The following TRPM3 variants were observed in gnomAD, a reference collection of about 807,000 sequenced individuals.
TRPM3 encodes the protein long transient receptor potential channel 3.
Under a neutral mutation model 181.2 loss-of-function variants are expected in TRPM3, and 77 were observed. That is an observed-to-expected ratio of 0.42 (90% CI 0.35 to 0.51). TRPM3 has a LOEUF of 0.51. TRPM3 is among the 20% of genes least tolerant of loss of function. The probability of loss-of-function intolerance (pLI) is 0.01; values close to 1 mark genes in which losing one functional copy is unlikely to be tolerated. For synonymous variants in TRPM3, 745 were observed against 796.4 expected, an observed-to-expected ratio of 0.94 and a Z score of 1.09; for missense variants, 1,759 against 2,196.7, an observed-to-expected ratio of 0.80 and a Z score of 3.98.
intron 1 of TRPM3, among the ~76,000 whole-genome samples, chr9:71,281,334 C>T (rs930033578): frequency 1.3e-5 from 2 of 152,208 alleles, no homozygotes; most frequent in African/African-American, 4.8e-5. Flanking sequence ...AGTTCATAAG[C>T]ACCTGGACCC....
At chr9:71,239,605 G>A (rs1256124450) in intron 1 of TRPM3, among the ~76,000 whole-genome samples, 1 of 151,880 alleles carries the variant, frequency 6.6e-6, no homozygotes, top group Non-Finnish European at 1.5e-5. Flanking sequence ...GCCAAAACAG[G>A]GAGTACCTTA....
intron 1 of TRPM3, among the ~76,000 whole-genome samples, chr9:70,974,259 G>A (rs1044278067): frequency 6.6e-6 from 1 of 152,032 alleles, no homozygotes; most frequent in African/African-American, 2.4e-5. Flanking sequence ...AATTTACGTG[G>A]CCGGGCGCGG....
rs943919389 is a variant in TRPM3 at position 70,530,765 on chromosome 9, G to A, written c.*5188C>T. ...CCTTTCTTTTGGTTGACTCCAATCTGAGAGACAGAATATCCAACTTGTAAA... is the reference window on the plus strand; with the variant it reads ...CCTTTCTTTTGGTTGACTCCAATCTAAGAGACAGAATATCCAACTTGTAAA... On this transcript the variant is annotated 3_prime_UTR_variant, in exon 26 of 26. Transcript: ENST00000677713. 2 of 152,208 alleles carry A rather than the reference G, an allele frequency of 1.3e-5. No homozygotes were observed. Among genetic ancestry groups the A allele is most frequent in the Non-Finnish European group, 2.9e-5 (2 of 68,036 alleles). 9.4% of individuals were successfully genotyped at this position (152,208 alleles called of 1,614,324 possible).
At chr9:71,081,842 A>C (rs1320129482) in intron 1 of TRPM3, among the ~76,000 whole-genome samples, 3 of 152,174 alleles carry the variant, frequency 2.0e-5, no homozygotes, top group African/African-American at 7.2e-5. Context: ...GTGTACAAAC[A>C]TCTGTCTTAC....
chr9:70,875,676 T>A (rs1176912658), intron 1 of TRPM3, among the ~76,000 whole-genome samples: 1 of 151,940 alleles, frequency 6.6e-6, no homozygotes, highest in South Asian at 2.1e-4. Context: ...CCCTACTAAA[T>A]GATAAATCAA....
At chr9:71,379,279 A>G (rs761399527) in intron 1 of TRPM3, among the ~76,000 whole-genome samples, 1 of 152,064 alleles carries the variant, frequency 6.6e-6, no homozygotes, top group Non-Finnish European at 1.5e-5. Flanking sequence ...GTTGAAGAGC[A>G]TTACTTGGAA....
chr9:71,412,382 GAACTT>G (rs1445176798), intron 1 of TRPM3, among the ~76,000 whole-genome samples: 11 of 152,002 alleles, frequency 7.2e-5, no homozygotes, highest in Admixed American at 6.6e-4. Context: ...AATCTACAAA[GAACTT>G]AAACAAATTT....
intron 4 of TRPM3, among the ~76,000 whole-genome samples, chr9:70,845,900 T>C (rs1323072421): frequency 6.6e-6 from 1 of 152,196 alleles, no homozygotes; most frequent in Non-Finnish European, 1.5e-5. Flanking sequence ...ATTGGCACAG[T>C]GAGGAGTTAA....
At chr9:71,142,606 A>G (rs766502201) in intron 1 of TRPM3, among the ~76,000 whole-genome samples, 20 of 152,186 alleles carry the variant, frequency 1.3e-4, no homozygotes, top group Non-Finnish European at 2.4e-4. Context: ...TTTAATATTG[A>G]AACCAGGTTA....
intron 1 of TRPM3, among the ~76,000 whole-genome samples, chr9:71,047,707 T>C (rs1290502236): frequency 6.6e-6 from 1 of 152,170 alleles, no homozygotes; most frequent in African/African-American, 2.4e-5. Flanking sequence ...AAAGCTAGAA[T>C]GGCTAAATAT....
rs768368619 is a variant in TRPM3, at chr9:70,827,878, T to C, written c.942A>G (p.Glu314=). Residue 314 remains glutamate, a synonymous_variant, in exon 6 of 26, where the codon GAA becomes GAG. Coordinates refer to ENST00000677713, the MANE Select transcript of TRPM3 (RefSeq NM_001366145.2). ...GAEVKLRRQL[E]KHISLQKINT... is the part of the protein sequence containing the mutation. ...TTATCTTCTGGAGTGAAATATGCTT[T>C]TCCAGTTGTCTTCGAAGTTTCACCT... The C allele has an allele frequency of 1.2e-6, 2 of 1,614,138 alleles. No individual in the cohort carries two copies. Among genetic ancestry groups the C allele is most frequent in the Non-Finnish European group, 1.7e-6 (2 of 1,179,974 alleles).
At chr9:71,174,513 C>T (rs2077013904) in intron 1 of TRPM3, among the ~76,000 whole-genome samples, 1 of 151,896 alleles carries the variant, frequency 6.6e-6, no homozygotes, top group African/African-American at 2.4e-5. Context: ...TGTACTCTAG[C>T]CTGGGCAACA....
intron 20 of TRPM3, among the ~76,000 whole-genome samples, chr9:70,602,787 G>A (rs1027045014): frequency 6.6e-6 from 1 of 152,170 alleles, no homozygotes. Flanking sequence ...GGAGAAAAGA[G>A]GGACCCTGCA....
intron 1 of TRPM3, among the ~76,000 whole-genome samples, chr9:71,266,378 G>A (rs1362975060): frequency 1.3e-5 from 2 of 152,056 alleles, no homozygotes; most frequent in African/African-American, 4.8e-5. Context: ...CAGTAAGAAA[G>A]GAAACCGGTT....
At chr9:71,299,005 A>T (rs2086542534) in intron 1 of TRPM3, among the ~76,000 whole-genome samples, 1 of 152,178 alleles carries the variant, frequency 6.6e-6, no homozygotes, top group Admixed American at 6.6e-5. Context: ...TAAAGGATAA[A>T]AAAAGAGACT....
At chr9:70,616,198 A>G (rs953578918) in intron 17 of TRPM3, 123 bp from the exon 18 acceptor site, 3 of 583,794 alleles carry the variant, frequency 5.1e-6, no homozygotes, top group African/African-American at 3.8e-5. Context: ...GTGTGTACAC[A>G]TGCACACACA....
chr9:71,146,382 C>G (rs938270940), intron 1 of TRPM3, among the ~76,000 whole-genome samples: 1 of 152,074 alleles, frequency 6.6e-6, no homozygotes, highest in African/African-American at 2.4e-5. Context: ...ATGTCAAAGA[C>G]GAAATTTTGA....
intron 1 of TRPM3, among the ~76,000 whole-genome samples, chr9:71,091,057 T>C (rs548498670): frequency 1.3e-5 from 2 of 152,240 alleles, no homozygotes; most frequent in East Asian, 3.9e-4. Flanking sequence ...AATTAAATTG[T>C]ACTTAATGTT....
Position 70,621,306 on chromosome 9 carries a change from T to C in TRPM3, c.1810-33A>G, listed in dbSNP as rs377454615. The C allele has an allele frequency of 5.7e-6, 9 of 1,575,174 alleles. No individual in the cohort carries two copies. The African/African-American group carries it at 6.8e-5, about 12-fold the overall frequency. The stretch of plus-strand genomic sequence containing the variant: ...AAAAAACGTTGTGAACAAAGTTAGA[T>C]CAGTTAGATCTTTCTTTCATAAAGG... On this transcript the variant is annotated intron_variant, in intron 14 of 25. Transcript: ENST00000677713.
Sources: allele counts gnomAD v4.1 joint callset (sites outside exome capture counted in the v4.1 genomes callset), GRCh38; gene constraint gnomAD v4.1.1; transcripts MANE v1.5; gene names NCBI Gene and HGNC (gene_info 2026-07-23, HGNC 2026-07-21).